The following PDE11A variants were observed in gnomAD, a reference collection of about 807,000 sequenced individuals.
The protein encoded by PDE11A is dual 3',5'-cyclic-AMP and -GMP phosphodiesterase 11A.
PDE11A carries 100 observed loss-of-function variants against 100.5 expected under a neutral mutation model. The observed-to-expected ratio is 1.00, with a 90% CI of 0.85 to 1.18. PDE11A has a LOEUF of 1.18. Ranked by LOEUF, PDE11A falls within the 50% of genes most tolerant of loss-of-function variation. The pLI, the probability that PDE11A is intolerant of heterozygous loss-of-function variation, is 0.00. For missense variants in PDE11A, 1,141 were observed against 1,152.6 expected (o/e 0.99, Z 0.15); for synonymous variants, 381 against 420.8 (o/e 0.91, Z 1.16).
intron 19 of PDE11A, among the ~76,000 whole-genome samples, chr2:177,640,147 G>C (rs2080118801): frequency 6.6e-6 from 1 of 152,122 alleles, no homozygotes; most frequent in African/African-American, 2.4e-5. Context: ...CAGAAACTAA[G>C]TGACACAATA....
chr2:177,987,694 T>TA (rs71410784), intron 2 of PDE11A, among the ~76,000 whole-genome samples: 9,557 of 152,346 alleles, frequency 0.063, 312 homozygotes, highest in South Asian at 0.094. Context: ...ACTATTGCAT[T>TA]AAAAATTGGG....
chr2:177,746,209 G>T (rs558783608), intron 10 of PDE11A, among the ~76,000 whole-genome samples: 1 of 152,170 alleles, frequency 6.6e-6, no homozygotes, highest in African/African-American at 2.4e-5. Flanking sequence ...AAAAAAATTC[G>T]TAGGTAAATT....
At chr2:177,869,308 A>G (rs536588012) in intron 5 of PDE11A, among the ~76,000 whole-genome samples, 3 of 152,230 alleles carry the variant, frequency 2.0e-5, no homozygotes, top group Admixed American at 2.0e-4. Context: ...TGACAGAGCT[A>G]TATTCCTCTC....
At chr2:177,963,604 G>A (rs1051561272) in intron 2 of PDE11A, among the ~76,000 whole-genome samples, 4 of 152,346 alleles carry the variant, frequency 2.6e-5, no homozygotes, top group East Asian at 1.9e-4. Context: ...CCTGCAAGGT[G>A]AGAAAGTAGA....
chr2:178,036,603 T>C (rs763289354), intron 1 of PDE11A, among the ~76,000 whole-genome samples: 21 of 152,218 alleles, frequency 1.4e-4, no homozygotes, highest in Non-Finnish European at 2.6e-4. Context: ...GGACATGTCA[T>C]GCTACCTGAC....
At chr2:177,772,713 T>TA (rs58575142) in intron 9 of PDE11A, among the ~76,000 whole-genome samples, 88 of 141,504 alleles carry the variant, frequency 6.2e-4, no homozygotes, top group East Asian at 2.0e-3. Flanking sequence ...TTCCTTTATT[T>TA]AAAAAAAAAA....
chr2:177,686,468 G>T (rs2080952349), intron 15 of PDE11A, among the ~76,000 whole-genome samples: 2 of 152,268 alleles, frequency 1.3e-5, no homozygotes, highest in South Asian at 4.1e-4. Context: ...TAGGGAGGCT[G>T]AGGTGGGAGG....
chr2:177,906,358 G>A (rs1365321860), intron 2 of PDE11A, among the ~76,000 whole-genome samples: 1 of 152,178 alleles, frequency 6.6e-6, no homozygotes, highest in African/African-American at 2.4e-5. Context: ...AGGACATCCA[G>A]AAAAGAATCA....
At chr2:177,750,300 A>G (rs1285772625) in intron 10 of PDE11A, among the ~76,000 whole-genome samples, 2 of 152,206 alleles carry the variant, frequency 1.3e-5, no homozygotes, top group East Asian at 3.8e-4. Flanking sequence ...TCAGGGTGGA[A>G]ATACTGACAA....
At chr2:177,925,504 G>GT (rs1368818762) in intron 2 of PDE11A, among the ~76,000 whole-genome samples, 1 of 152,058 alleles carries the variant, frequency 6.6e-6, no homozygotes, top group Non-Finnish European at 1.5e-5. Context: ...TTTTTCATGT[G>GT]TTTTTGGCTG....
chr2:177,852,382 C>T (rs1009777769), intron 5 of PDE11A, among the ~76,000 whole-genome samples: 2 of 103,944 alleles, frequency 1.9e-5, no homozygotes, highest in Admixed American at 2.6e-4. Context: ...GCTTTGCAAA[C>T]CAAATATTGA....
rs533398310 is a variant in PDE11A, at chr2:177,736,398, C to T, written c.1789-8226G>A. 2.9e-4 allele frequency among the ~76,000 whole-genome samples: 44 copies of T among 151,978 alleles called. 1 individual carries two copies. The South Asian group carries it at 9.2e-3, about 32-fold the overall frequency. On this transcript the variant is annotated intron_variant, in intron 10 of 19. Coordinates refer to ENST00000286063, the MANE Select transcript of PDE11A (RefSeq NM_016953.4). ...AATTAGCTGGGTGTGGTGGTGGGCA[C>T]CTGTAATCCCAGCTACTTAGGAGGC...
At chr2:177,800,405 A>C (rs2082773747) in intron 9 of PDE11A, among the ~76,000 whole-genome samples, 1 of 152,008 alleles carries the variant, frequency 6.6e-6, no homozygotes, top group African/African-American at 2.4e-5. Flanking sequence ...TCCTGGCTTC[A>C]AGCAATTCTC....
At chr2:177,945,352 C>T (rs1381916651) in intron 2 of PDE11A, among the ~76,000 whole-genome samples, 9 of 140,886 alleles carry the variant, frequency 6.4e-5, no homozygotes, top group African/African-American at 2.1e-4. Context: ...TCCGCCCGGC[C>T]GCCATCCCAT....
intron 10 of PDE11A, among the ~76,000 whole-genome samples, chr2:177,737,462 G>A (rs61217406): frequency 0.052 from 4,299 of 82,142 alleles, 198 homozygotes; most frequent in African/African-American, 0.13. Flanking sequence ...TTAGCCAGGC[G>A]TGGTGGTGGG....
intron 1 of PDE11A, among the ~76,000 whole-genome samples, chr2:178,059,278 G>A (rs145718939): frequency 1.4e-4 from 22 of 152,292 alleles, no homozygotes; most frequent in Middle Eastern, 3.4e-3. Flanking sequence ...ATGGGTATGG[G>A]GAGAGTCAGT....
At chr2:177,643,537 G>A (rs1166331968) in intron 19 of PDE11A, among the ~76,000 whole-genome samples, 1 of 152,084 alleles carries the variant, frequency 6.6e-6, no homozygotes, top group African/African-American at 2.4e-5. Context: ...TGCTGTTAAA[G>A]GGCATATGAA....
intron 1 of PDE11A, among the ~76,000 whole-genome samples, chr2:178,106,071 C>T (rs561084350): frequency 2.6e-5 from 4 of 152,242 alleles, no homozygotes; most frequent in South Asian, 4.1e-4. Flanking sequence ...AAACAGAAAA[C>T]GTTTGTGTTA....
At chr2:177,786,795 A>G (rs1248153415) in intron 9 of PDE11A, among the ~76,000 whole-genome samples, 1 of 152,218 alleles carries the variant, frequency 6.6e-6, no homozygotes, top group East Asian at 1.9e-4. Context: ...TCAGTGATGG[A>G]AGATGAAATG....
Sources: allele counts gnomAD v4.1 joint callset (sites outside exome capture counted in the v4.1 genomes callset), GRCh38; gene constraint gnomAD v4.1.1; transcripts MANE v1.5; gene names NCBI Gene and HGNC (gene_info 2026-07-23, HGNC 2026-07-21).